RNF213: variants seen among roughly 807,000 people sequenced by gnomAD.
RNF213 encodes the protein E3 ubiquitin-protein ligase RNF213.
RNF213 carries 341 observed loss-of-function variants against 514.4 expected under a neutral mutation model. The observed-to-expected ratio is 0.66, with a 90% confidence interval of 0.61 to 0.73. The LOEUF is 0.73. Ranked by LOEUF, RNF213 falls within the 30% of genes least tolerant of loss-of-function variation. The pLI, the probability that RNF213 is intolerant of heterozygous loss-of-function variation, is 0.00. For missense variants in RNF213, 5,767 were observed against 6,615.6 expected (o/e 0.87, Z 4.45); for synonymous variants, 2,655 against 2,658.2 (o/e 1.00, Z 0.04).
chr17:80,334,985 A>G (rs8079586), intron 22 of RNF213, among the ~76,000 whole-genome samples: 100,757 of 149,466 alleles, frequency 0.67, 34,514 homozygotes, highest in African/African-American at 0.76. Context: ...GCAGTGGTGC[A>G]ATCTCGGCTC....
At position 80,327,841 on chromosome 17, in the gene RNF213, T is replaced by C; in HGVS notation, c.3219T>C (p.Asn1073=). ...LCGTDEKILA[N]VTEDAKRLIA... ...GAACCGACGAGAAAATACTAGCAAA[T>C]GTCACAGAGGATGCCAAGAGGCTGA... The change falls in exon 19 of 68, where the codon AAT becomes AAC. Residue 1073 remains asparagine, a synonymous_variant. Coordinates refer to ENST00000582970, the MANE Select transcript of RNF213 (RefSeq NM_001256071.3). 6.5e-7 allele frequency: 1 copy of C among 1,536,840 alleles called. No individual in the cohort carries two copies. Among genetic ancestry groups the C allele is most frequent in the Non-Finnish European group, 8.7e-7 (1 of 1,146,572 alleles).
rs1568015786 is a variant in RNF213, at chr17:80,288,620, T to TG, written c.811-9dup. 6.2e-7 allele frequency: 1 copy of TG among 1,614,182 alleles called. No homozygotes were observed. Among genetic ancestry groups the TG allele is most frequent in the South Asian group, 1.1e-5 (1 of 91,082 alleles). On this transcript the variant is annotated splice_polypyrimidine_tract_variant and intron_variant, in intron 4 of 67. Coordinates refer to ENST00000582970, the MANE Select transcript of RNF213 (RefSeq NM_001256071.3). This position sits in a 1 kb window ranked among gnomAD's most constrained non-coding sequence, Gnocchi z 4.9. The stretch of plus-strand genomic sequence containing the variant: ...ATTTTGTCACCTTGGCTCTGGTGTT[T>TG]GGGGTCTTTCAGGCAGTTGATGCTG...
intron 28 of RNF213, among the ~76,000 whole-genome samples, chr17:80,344,305 C>T (rs532733925): frequency 1.8e-4 from 27 of 152,332 alleles, no homozygotes; most frequent in African/African-American, 6.0e-4. Context: ...CTAGGAAATT[C>T]ATCTGTTGAA....
intron 22 of RNF213, among the ~76,000 whole-genome samples, chr17:80,334,577 T>G (rs974298437): frequency 2.6e-5 from 4 of 151,944 alleles, no homozygotes; most frequent in Admixed American, 6.6e-5. Context: ...TCCAGTAGAT[T>G]TTTACTGGAG....
intron 46 of RNF213, 86 bp downstream of exon 46, chr17:80,369,953 G>A (rs2079449953): frequency 2.2e-6 from 2 of 917,150 alleles, no homozygotes; most frequent in Admixed American, 1.7e-5. Flanking sequence ...TTCTTGTCGT[G>A]ACTAGTAGCT....
intron 20 of RNF213, 57 bp downstream of exon 20, chr17:80,328,534 A>C: frequency 1.3e-6 from 2 of 1,514,580 alleles, no homozygotes; most frequent in Non-Finnish European, 1.8e-6. Flanking sequence ...AGAGGAGAAC[A>C]CAGTAAGAAT....
intron 3 of RNF213, among the ~76,000 whole-genome samples, chr17:80,285,611 A>G (rs552512068): frequency 6.6e-6 from 1 of 151,330 alleles, no homozygotes; most frequent in Non-Finnish European, 1.5e-5. Flanking sequence ...CCTGCTGATG[A>G]CGCCACTCTA....
intron 37 of RNF213, 38 bp from the exon 38 acceptor site, chr17:80,360,023 C>T: frequency 6.2e-7 from 1 of 1,611,424 alleles, no homozygotes. Context: ...AGTGACGTCT[C>T]ACAAACCCTC....
rs193151938 is a variant in RNF213, at chr17:80,267,527, A to G, written c.97+3749A>G. Among the ~76,000 whole-genome samples the G allele has an allele frequency of 3.3e-5, 5 of 152,326 alleles. No individual in the cohort carries two copies. The East Asian group carries it at 7.7e-4, about 23-fold the overall frequency. ...TATTGTGATATGGAGAGAGTTTGCA[A>G]TGTCTGGAGAGGTCAAACCAGTCAC... On this transcript the variant is annotated intron_variant, in intron 2 of 67. Coordinates refer to ENST00000582970, the MANE Select transcript of RNF213 (RefSeq NM_001256071.3).
At chr17:80,374,387 G>GT in intron 49 of RNF213, 71 bp from the exon 50 acceptor site, 1 of 1,598,886 alleles carries the variant, frequency 6.3e-7, no homozygotes, top group Non-Finnish European at 8.6e-7. Flanking sequence ...CCTGGTTCCT[G>GT]TACCCGTTCA....
intron 3 of RNF213, among the ~76,000 whole-genome samples, chr17:80,275,264 AC>A (rs1185449107): frequency 6.6e-6 from 1 of 151,428 alleles, no homozygotes; most frequent in Non-Finnish European, 1.5e-5. Flanking sequence ...AGCCAAGGCC[AC>A]CCCCAAGCCT....
Position 80,288,989 on chromosome 17 carries a change from A to ACCATGGCAC in RNF213, c.933+238_933+246dup. Among the ~76,000 whole-genome samples, 1 of 152,112 alleles carries ACCATGGCAC rather than the reference A, an allele frequency of 6.6e-6. No homozygotes were observed. Among genetic ancestry groups the ACCATGGCAC allele is most frequent in the African/African-American group, 2.4e-5 (1 of 41,432 alleles). On this transcript the variant is annotated intron_variant, in intron 5 of 67. Transcript: ENST00000582970. The surrounding 1 kb of genome is among the most constrained non-coding windows in gnomAD (Gnocchi z 4.9). Reference sequence around the variant, plus strand: ...AGGGCACCCAGGTGGGCCCCGAGGTACCATGGCACCCACAGCCCGAGTGGC... The same window carrying ACCATGGCAC: ...AGGGCACCCAGGTGGGCCCCGAGGTACCATGGCACCCATGGCACCCACAGCCCGAGTGGC...
intron 32 of RNF213, chr17:80,352,457 T>A: frequency 4.9e-6 from 2 of 405,080 alleles, no homozygotes; most frequent in Non-Finnish European, 8.9e-6. Context: ...GGAGGGAGAG[T>A]GGCGGGGGTC....
At chr17:80,281,971 C>T (rs987070489) in intron 3 of RNF213, among the ~76,000 whole-genome samples, 1 of 152,134 alleles carries the variant, frequency 6.6e-6, no homozygotes, top group Non-Finnish European at 1.5e-5. Flanking sequence ...AGTCCCCTGC[C>T]TCAGCCTCCC....
Position 80,291,686 on chromosome 17 carries a change from C to T in RNF213, c.1330C>T (p.Leu444=). The change falls in exon 8 of 68, where the codon CTA becomes TTA. Residue 444 remains leucine (L), a synonymous_variant. Coordinates refer to ENST00000582970, the MANE Select transcript of RNF213 (RefSeq NM_001256071.3). ...EGIVCISKKH[L]DKYIPYKYVI... ...CATTGTCTGCATTTCCAAGAAGCAC[C>T]TAGATAAATACATTCCTTACAAGTA... The T allele has an allele frequency of 3.1e-6, 5 of 1,614,192 alleles. No homozygotes were observed. The highest frequency in any genetic ancestry group is 2.5e-6 in the Non-Finnish European group (3 of 1,180,044).
chr17:80,344,912 A>G lies in RNF213; in HGVS notation c.6577A>G (p.Thr2193Ala). 6.2e-7 allele frequency: 1 copy of G among 1,614,148 alleles called. No homozygotes were observed. The highest frequency in any genetic ancestry group is 1.1e-5 in the South Asian group (1 of 91,086). ...GTATCAAGAAGGCTCTGTCGAAGGC[A>G]CCCCGGAGGAATGCCTCCAGCATTT... is the stretch of plus-strand genomic sequence containing the variant. ...FQYQEGSVEGTPEECLQHFLF... is the reference protein window; with the variant it reads ...FQYQEGSVEGAPEECLQHFLF... The change falls in exon 29 of 68, where the codon ACC (threonine) becomes GCC (alanine). Residue 2193 changes from threonine (T) to alanine (A), a missense_variant. Physicochemically the swap from Thr to Ala is moderately conservative, Grantham distance 58 (BLOSUM62 0). Around this residue, in one of 13 missense-constraint regions of RNF213, gnomAD observed 1,377 missense variants for 1,635.2 expected, o/e 0.84. Transcript: ENST00000582970.
In RNF213 at chr17:80,358,340, A is replaced by G; in HGVS notation, c.10915A>G (p.Met3639Val). The change falls in exon 37 of 68, where the codon ATG (methionine) becomes GTG (valine). Residue 3639 changes from methionine to valine, a missense_variant. Coordinates refer to ENST00000582970, the MANE Select transcript of RNF213 (RefSeq NM_001256071.3). ...QGAVTPLLAS[M>V]ISFIDRDGNL... Reference sequence around the variant, plus strand: ...TGCTGTCACCCCTCTGCTGGCGAGCATGATATCATTCATCGACAGAGACGG... The same window carrying G: ...TGCTGTCACCCCTCTGCTGGCGAGCGTGATATCATTCATCGACAGAGACGG... 6.2e-7 allele frequency: 1 copy of G among 1,614,188 alleles called. No homozygotes were observed. The highest frequency in any genetic ancestry group is 2.2e-5 in the East Asian group (1 of 44,880).
In RNF213 at chr17:80,350,403, T is replaced by A. The variant is rs747115196; in HGVS notation, c.10184+7T>A. The A allele has an allele frequency of 1.9e-6, 3 of 1,572,462 alleles. No individual in the cohort carries two copies. The Admixed American group carries it at 5.0e-5, about 26-fold the overall frequency. Reference sequence around the variant, plus strand: ...AGCTCATTGCCTCAGCTAAGTATGTTTTTAGTATTTTTCTCAGAAACTATG... The same window carrying A: ...AGCTCATTGCCTCAGCTAAGTATGTATTTAGTATTTTTCTCAGAAACTATG... On this transcript the variant is annotated splice_region_variant and intron_variant, in intron 31 of 67. Transcript: ENST00000582970.
intron 54 of RNF213, among the ~76,000 whole-genome samples, chr17:80,379,295 G>GTGAT (rs1436513117): frequency 2.6e-5 from 4 of 152,224 alleles, no homozygotes; most frequent in Non-Finnish European, 5.9e-5. Context: ...ACAGGCTAGT[G>GTGAT]TGATAGATGG....
Sources: gnomAD v4.1 joint callset for allele counts (sites outside exome capture counted in the v4.1 genomes callset) on GRCh38, gnomAD v4.1.1 for gene constraint, gnomAD v4.1.1 regional missense constraint, Gnocchi (gnomAD v3.1) non-coding constraint, MANE v1.5 for transcripts, NCBI Gene and HGNC (gene_info 2026-07-23, HGNC 2026-07-21) for gene names.